Variants in PPP6R3 observed in about 807,000 individuals in gnomAD.
PPP6R3 encodes the protein serine/threonine-protein phosphatase 6 regulatory subunit 3.
Under a neutral mutation model 110.7 loss-of-function variants are expected in PPP6R3, and 38 were observed. The observed-to-expected ratio is 0.34, with a 90% confidence interval of 0.26 to 0.45. The LOEUF (loss-of-function observed/expected upper bound fraction) is 0.45, where lower values mean the gene tolerates loss of function less well. Among genes scored for constraint, PPP6R3 ranks in the 20% least tolerant of loss-of-function variants. PPP6R3 has a pLI of 1.00. For synonymous variants in PPP6R3, 369 were observed against 373.5 expected, an observed-to-expected ratio of 0.99 and a Z score of 0.14; for missense variants, 870 against 1,062.4, an observed-to-expected ratio of 0.82 and a Z score of 2.52.
intron 1 of PPP6R3, among the ~76,000 whole-genome samples, chr11:68,507,037 C>G (rs1565484358): frequency 6.6e-6 from 1 of 152,250 alleles, no homozygotes; most frequent in Middle Eastern, 3.4e-3. Flanking sequence ...TGACTTGGCT[C>G]TGTTTTAATA....
intron 6 of PPP6R3, 37 bp from the exon 7 acceptor site, chr11:68,554,108 C>T: frequency 7.1e-7 from 1 of 1,412,330 alleles, no homozygotes; most frequent in Non-Finnish European, 9.8e-7. Flanking sequence ...TAACTTCTAA[C>T]ATGTTTTATG....
At chr11:68,595,814 A>G (rs1358622501) in intron 18 of PPP6R3, among the ~76,000 whole-genome samples, 1 of 152,216 alleles carries the variant, frequency 6.6e-6, no homozygotes, top group East Asian at 1.9e-4. Context: ...TGAACACCAC[A>G]GTGAAATGAA....
chr11:68,530,738 T>C lies in PPP6R3; in HGVS notation c.-6-6921T>C, dbSNP rs145637684. Among the ~76,000 whole-genome samples, 438 of 152,348 alleles carry C rather than the reference T, an allele frequency of 2.9e-3. 2 individuals carry two copies. The highest frequency in any genetic ancestry group is 6.8e-3 in the Middle Eastern group (2 of 294). On this transcript the variant is annotated intron_variant, in intron 2 of 23. Coordinates refer to ENST00000393800, the MANE Select transcript of PPP6R3 (RefSeq NM_001164161.2). Reference sequence around the variant, plus strand: ...CTTGAAAGCCATCATAATCTTTGAATCTTCTTTGAAATCTCTGAACATTTT... The same window carrying C: ...CTTGAAAGCCATCATAATCTTTGAACCTTCTTTGAAATCTCTGAACATTTT...
intron 15 of PPP6R3, 174 bp from the exon 16 acceptor site, chr11:68,587,753 C>A (rs1566035322): frequency 1.4e-6 from 1 of 697,718 alleles, no homozygotes; most frequent in Non-Finnish European, 2.6e-6. Flanking sequence ...CAAACGTTTC[C>A]TTTTTTGGCA....
At chr11:68,549,719 T>C (rs2099363349) in intron 5 of PPP6R3, among the ~76,000 whole-genome samples, 1 of 152,196 alleles carries the variant, frequency 6.6e-6, no homozygotes, top group Non-Finnish European at 1.5e-5. Context: ...TTTATTCCTT[T>C]GGTTGCTTCT....
intron 14 of PPP6R3, among the ~76,000 whole-genome samples, chr11:68,576,589 A>G (rs1306105274): frequency 6.6e-6 from 1 of 151,726 alleles, no homozygotes; most frequent in African/African-American, 2.4e-5. Context: ...TAAAAATTAT[A>G]TTGGACTTTG....
At chr11:68,594,620 G>C (rs2099607878) in intron 18 of PPP6R3, among the ~76,000 whole-genome samples, 1 of 152,200 alleles carries the variant, frequency 6.6e-6, no homozygotes, top group Non-Finnish European at 1.5e-5. Flanking sequence ...TTATAAGTAG[G>C]AAGACTCAGT....
At chr11:68,596,649 G>A (rs948680602) in intron 19 of PPP6R3, among the ~76,000 whole-genome samples, 27 of 152,374 alleles carry the variant, frequency 1.8e-4, no homozygotes, top group African/African-American at 6.5e-4. Flanking sequence ...TGCGTTCTTC[G>A]TAGTTGATTT....
At chr11:68,470,348 G>A (rs1449028210) in intron 1 of PPP6R3, among the ~76,000 whole-genome samples, 1 of 152,132 alleles carries the variant, frequency 6.6e-6, no homozygotes. Context: ...ATTATAGGCG[G>A]AGGGTCAGCA....
chr11:68,485,203 A>G (rs2098938847), intron 1 of PPP6R3, among the ~76,000 whole-genome samples: 1 of 151,272 alleles, frequency 6.6e-6, no homozygotes, highest in South Asian at 2.1e-4. Flanking sequence ...GGTATATAGG[A>G]AAGCAGTTGA....
intron 1 of PPP6R3, among the ~76,000 whole-genome samples, chr11:68,512,454 T>A (rs2099115505): frequency 6.6e-6 from 1 of 152,176 alleles, no homozygotes; most frequent in Non-Finnish European, 1.5e-5. Context: ...TCTAAAATCC[T>A]GAAAATCACA....
intron 23 of PPP6R3, among the ~76,000 whole-genome samples, chr11:68,611,604 C>T (rs2153978622): frequency 6.6e-6 from 1 of 152,200 alleles, no homozygotes; most frequent in African/African-American, 2.4e-5. Flanking sequence ...GTGTGGTGGC[C>T]ACTGGTCTAG....
intron 7 of PPP6R3, 26 bp from the exon 8 acceptor site, chr11:68,558,540 T>A: frequency 1.4e-6 from 2 of 1,470,322 alleles, no homozygotes; most frequent in Non-Finnish European, 1.9e-6. Flanking sequence ...ATACTGCAGT[T>A]AGTGATTATT....
At chr11:68,504,327 A>G (rs2099064013) in intron 1 of PPP6R3, among the ~76,000 whole-genome samples, 1 of 152,130 alleles carries the variant, frequency 6.6e-6, no homozygotes, top group Non-Finnish European at 1.5e-5. Context: ...TAGGCCACAC[A>G]ATGTATATAG....
chr11:68,463,095 C>T (rs1180392788), intron 1 of PPP6R3, among the ~76,000 whole-genome samples: 1 of 152,016 alleles, frequency 6.6e-6, no homozygotes, highest in African/African-American at 2.4e-5. Context: ...AAGCTTTGGC[C>T]GGGCGCAGTG....
At chr11:68,512,876 GTTA>G (rs1318754117) in intron 1 of PPP6R3, among the ~76,000 whole-genome samples, 1 of 152,092 alleles carries the variant, frequency 6.6e-6, no homozygotes, top group Non-Finnish European at 1.5e-5. Flanking sequence ...CCTGTTATTA[GTTA>G]TTATCCCTAT....
intron 15 of PPP6R3, 44 bp downstream of exon 15, chr11:68,583,173 G>A (rs1250453367): frequency 1.4e-6 from 2 of 1,396,324 alleles, no homozygotes; most frequent in Admixed American, 2.4e-5. Flanking sequence ...TATTTTAAAT[G>A]CTTAGTTTAG....
At chr11:68,559,675 C>A (rs2099411631) in intron 8 of PPP6R3, among the ~76,000 whole-genome samples, 1 of 152,174 alleles carries the variant, frequency 6.6e-6, no homozygotes, top group Admixed American at 6.5e-5. Context: ...GGCACTGCTT[C>A]AAGTATGTTG....
intron 1 of PPP6R3, among the ~76,000 whole-genome samples, chr11:68,483,571 C>T (rs1056885444): frequency 6.6e-6 from 1 of 150,856 alleles, no homozygotes; most frequent in Non-Finnish European, 1.5e-5. Flanking sequence ...TAACCTCCGC[C>T]TCTCAGGTTC....
Sources: gnomAD v4.1 joint callset for allele counts (sites outside exome capture counted in the v4.1 genomes callset) on GRCh38, gnomAD v4.1.1 for gene constraint, MANE v1.5 for transcripts, NCBI Gene and HGNC (gene_info 2026-07-23, HGNC 2026-07-21) for gene names.